The following IFT57 variants were observed in gnomAD, a reference collection of about 807,000 sequenced individuals.
IFT57 encodes the protein intraflagellar transport 57.
A neutral mutation model predicts 56.8 loss-of-function variants in IFT57; 59 were observed. The observed-to-expected ratio is 1.04, with a 90% CI of 0.84 to 1.29. IFT57 has a LOEUF of 1.29. Among genes scored for constraint, IFT57 ranks in the 50% most tolerant of loss-of-function variants. The pLI, the probability that IFT57 is intolerant of heterozygous loss-of-function variation, is 0.00. For missense variants in IFT57, 470 were observed against 522.1 expected, an observed-to-expected ratio of 0.90 and a Z score of 0.97; for synonymous variants, 209 against 186.1, an observed-to-expected ratio of 1.12 and a Z score of -1.00.
At chr3:108,218,952 T>C (rs1399444769) in intron 2 of IFT57, among the ~76,000 whole-genome samples, 1 of 152,116 alleles carries the variant, frequency 6.6e-6, no homozygotes, top group African/African-American at 2.4e-5. Context: ...TTTAAACAAC[T>C]ATGTTTAAGG....
intron 5 of IFT57, among the ~76,000 whole-genome samples, chr3:108,203,472 T>G (rs189372378): frequency 6.6e-6 from 1 of 152,312 alleles, no homozygotes; most frequent in East Asian, 1.9e-4. Context: ...CTTCTCAAGG[T>G]CTAGACTTCA....
At chr3:108,210,296 G>C (rs2080336553) in intron 4 of IFT57, among the ~76,000 whole-genome samples, 1 of 149,026 alleles carries the variant, frequency 6.7e-6, no homozygotes, top group Non-Finnish European at 1.5e-5. Context: ...CTAGTTTCTA[G>C]ATGATTATAG....
At chr3:108,215,319 T>C (rs1364184721) in intron 3 of IFT57, among the ~76,000 whole-genome samples, 1 of 152,158 alleles carries the variant, frequency 6.6e-6, no homozygotes, top group Non-Finnish European at 1.5e-5. Context: ...CCCAGCACTT[T>C]GGGAGGCCAA....
At chr3:108,188,977 TGA>T (rs1234124408) in intron 6 of IFT57, among the ~76,000 whole-genome samples, 6 of 152,202 alleles carry the variant, frequency 3.9e-5, no homozygotes, top group Non-Finnish European at 1.5e-5. Context: ...AAGCTGTACT[TGA>T]GAGTTTCCAA....
At chr3:108,195,353 G>T (rs1206760748) in intron 5 of IFT57, among the ~76,000 whole-genome samples, 1 of 148,608 alleles carries the variant, frequency 6.7e-6, no homozygotes, top group Non-Finnish European at 1.5e-5. Context: ...GGAGAAAGGG[G>T]AACACTTGTA....
chr3:108,189,306 T>A (rs1360340759), intron 6 of IFT57, among the ~76,000 whole-genome samples: 6 of 152,222 alleles, frequency 3.9e-5, no homozygotes, highest in Admixed American at 1.3e-4. Context: ...CACAGTGTAG[T>A]AAGACCTCTG....
At chr3:108,177,749 T>C (rs1327379356) in intron 6 of IFT57, among the ~76,000 whole-genome samples, 4 of 151,748 alleles carry the variant, frequency 2.6e-5, no homozygotes, top group Non-Finnish European at 4.4e-5. Flanking sequence ...ATAAAGATAA[T>C]ATCATACTTA....
chr3:108,222,206 G>T lies in IFT57; in HGVS notation c.117C>A (p.His39Gln), dbSNP rs755329458. The T allele has an allele frequency of 5.0e-6, 8 of 1,614,000 alleles. No homozygotes were observed. The South Asian group carries it at 7.7e-5, about 16-fold the overall frequency. ...CCAAGTCCTCCATCACCACGAACAT[G>T]TGGTAGGCCGCGCCGGGCCCCCGCT... ...VLERGPGAAY[H>Q]MFVVMEDLVE... The change falls in exon 1 of 11, where the codon CAC becomes CAA. Residue 39 changes from histidine to glutamine, a missense_variant. By Grantham distance (24) the His-to-Gln change is conservative (BLOSUM62 0). Transcript: ENST00000264538.
chr3:108,173,272 G>A (rs554454280), intron 6 of IFT57, among the ~76,000 whole-genome samples: 18 of 150,986 alleles, frequency 1.2e-4, no homozygotes, highest in Non-Finnish European at 2.7e-4. Flanking sequence ...CACACACAAA[G>A]ACACTGTATA....
At chr3:108,172,297 G>A (rs1432336188) in intron 6 of IFT57, among the ~76,000 whole-genome samples, 1 of 151,816 alleles carries the variant, frequency 6.6e-6, no homozygotes, top group Non-Finnish European at 1.5e-5. Context: ...CAGCTGTCTA[G>A]CATGGAAAAC....
At chr3:108,218,510 T>C (rs1252330685) in intron 3 of IFT57, 25 bp downstream of exon 3, 7 of 1,072,422 alleles carry the variant, frequency 6.5e-6, no homozygotes, top group Non-Finnish European at 9.6e-6. Flanking sequence ...ATAAAATTAC[T>C]ATCATCAGGG....
At chr3:108,187,669 C>T (rs1329706517) in intron 6 of IFT57, among the ~76,000 whole-genome samples, 2 of 149,656 alleles carry the variant, frequency 1.3e-5, no homozygotes, top group Non-Finnish European at 3.0e-5. Context: ...GAGAGAAAAA[C>T]GCAAAACACA....
chr3:108,205,615 T>C (rs1421627880), intron 5 of IFT57, among the ~76,000 whole-genome samples: 6 of 150,770 alleles, frequency 4.0e-5, no homozygotes. Context: ...GAAATCTTCA[T>C]GATATGAAAC....
chr3:108,163,446 T>C (rs1165467102), intron 10 of IFT57, among the ~76,000 whole-genome samples: 1 of 152,168 alleles, frequency 6.6e-6, no homozygotes, highest in African/African-American at 2.4e-5. Context: ...GTTTGAATGT[T>C]AAAAACCTCT....
intron 6 of IFT57, among the ~76,000 whole-genome samples, chr3:108,181,892 G>A (rs9829875): frequency 0.096 from 14,647 of 151,926 alleles, 768 homozygotes; most frequent in Middle Eastern, 0.12. Context: ...TTTAAATTAC[G>A]TGAATATTTC....
chr3:108,217,516 T>C lies in IFT57; in HGVS notation c.494+1019A>G, dbSNP rs980440969. On this transcript the variant is annotated intron_variant, in intron 3 of 10. Transcript: ENST00000264538. ...AATGTTTGGATTGAAGCATATGAAA[T>C]TGCCATTTTTTAGTTTAAAAATAGA... Among the ~76,000 whole-genome samples the C allele has an allele frequency of 2.6e-5, 4 of 152,110 alleles. No individual in the cohort carries two copies. In the South Asian group the frequency reaches 6.2e-4, roughly 24 times the overall value.
At chr3:108,173,895 C>T (rs1009508222) in intron 6 of IFT57, among the ~76,000 whole-genome samples, 14 of 148,730 alleles carry the variant, frequency 9.4e-5, no homozygotes, top group Non-Finnish European at 1.6e-4. Flanking sequence ...GAACAGCAAA[C>T]ATGCATGCTA....
chr3:108,194,219 A>G (rs1017775163), intron 5 of IFT57, among the ~76,000 whole-genome samples: 5 of 152,208 alleles, frequency 3.3e-5, no homozygotes, highest in African/African-American at 1.2e-4. Context: ...GAACAATTTG[A>G]AGTAGAAACC....
In IFT57 at chr3:108,161,373, G is replaced by A. The variant is rs2080031190; in HGVS notation, c.*1104C>T. 1 of 152,060 alleles carries A rather than the reference G, an allele frequency of 6.6e-6. No homozygotes were observed. Among genetic ancestry groups the A allele is most frequent in the South Asian group, 2.1e-4 (1 of 4,820 alleles). 9.4% of individuals were successfully genotyped at this position (152,060 alleles called of 1,614,324 possible). A position where few individuals can be genotyped will look rare whatever the true frequency, so the allele number is the denominator to read the frequency against. On this transcript the variant is annotated 3_prime_UTR_variant, in exon 11 of 11. Coordinates refer to ENST00000264538, the MANE Select transcript of IFT57 (RefSeq NM_018010.4). Reference sequence around the variant, plus strand: ...AGGAAAGGGAAAGATCTGTGTATGTGAGCATGTTGGGGAATACATCTAGAA... The same window carrying A: ...AGGAAAGGGAAAGATCTGTGTATGTAAGCATGTTGGGGAATACATCTAGAA...
Sources: gnomAD v4.1 joint callset for allele counts (sites outside exome capture counted in the v4.1 genomes callset) on GRCh38, gnomAD v4.1.1 for gene constraint, MANE v1.5 for transcripts, NCBI Gene and HGNC (gene_info 2026-07-23, HGNC 2026-07-21) for gene names.